Variants in RASGEF1C observed in about 807,000 individuals in gnomAD.
RASGEF1C encodes RasGEF domain family member 1C.
A neutral mutation model predicts 58.1 loss-of-function variants in RASGEF1C; 27 were observed. The observed-to-expected ratio is 0.46, with a 90% CI of 0.34 to 0.64. The LOEUF is 0.64. RASGEF1C is among the 30% of genes least tolerant of loss of function. The pLI is 0.01. For synonymous variants in RASGEF1C, 243 were observed against 246.3 expected (o/e 0.99, Z 0.13); for missense variants, 502 against 605.1 (o/e 0.83, Z 1.79).
intron 1 of RASGEF1C, among the ~76,000 whole-genome samples, chr5:180,152,955 T>C (rs1053484159): frequency 6.6e-6 from 1 of 150,998 alleles, no homozygotes; most frequent in Non-Finnish European, 1.5e-5. Context: ...GCCTCTGTAC[T>C]GGGATCAGCA....
intron 12 of RASGEF1C, among the ~76,000 whole-genome samples, chr5:180,103,465 T>C (rs1009854409): frequency 1.3e-5 from 2 of 152,230 alleles, no homozygotes; most frequent in African/African-American, 4.8e-5. Context: ...GTAAATGGTA[T>C]TATCATTTTA....
intron 1 of RASGEF1C, among the ~76,000 whole-genome samples, chr5:180,152,776 G>C (rs556971580): frequency 1.3e-5 from 2 of 151,798 alleles, no homozygotes; most frequent in Non-Finnish European, 2.9e-5. Context: ...GCTGGGCGTG[G>C]TGGCAGCGCC....
At chr5:180,134,808 C>T (rs1041779897) in intron 4 of RASGEF1C, among the ~76,000 whole-genome samples, 9 of 148,188 alleles carry the variant, frequency 6.1e-5, no homozygotes, top group Non-Finnish European at 1.2e-4. Context: ...TGTCAATTCA[C>T]GCATCTACCC....
In RASGEF1C at chr5:180,155,173, C is replaced by T. The variant is rs1766830361; in HGVS notation, c.-6-17115G>A. Among the ~76,000 whole-genome samples, 1 of 152,192 alleles carries T rather than the reference C, an allele frequency of 6.6e-6. No individual in the cohort carries two copies. Among genetic ancestry groups the T allele is most frequent in the Non-Finnish European group, 1.5e-5 (1 of 68,028 alleles). On this transcript the variant is annotated intron_variant, in intron 1 of 13. Transcript: ENST00000361132. This position sits in a 1 kb window ranked among gnomAD's most constrained non-coding sequence, Gnocchi z 5.2. Reference sequence around the variant, plus strand: ...AGAAACCTCAAGGGAGGAAAGCCCCCAACCCTGAGTATGGGTCTGGACTAT... The same window carrying T: ...AGAAACCTCAAGGGAGGAAAGCCCCTAACCCTGAGTATGGGTCTGGACTAT...
At chr5:180,121,790 G>A (rs532950222) in intron 6 of RASGEF1C, among the ~76,000 whole-genome samples, 8 of 152,236 alleles carry the variant, frequency 5.3e-5, no homozygotes, top group African/African-American at 1.2e-4. Flanking sequence ...ACACGTGTGC[G>A]GTGGCAAAAA....
rs146671817 is a variant in RASGEF1C, at chr5:180,159,264, C to T, written c.-6-21206G>A. Among the ~76,000 whole-genome samples, 599 of 152,036 alleles carry T rather than the reference C, an allele frequency of 3.9e-3. 7 individuals carry two copies. The highest frequency in any genetic ancestry group is 0.019 in the South Asian group (90 of 4,812). On this transcript the variant is annotated intron_variant, in intron 1 of 13. Transcript: ENST00000361132. Reference sequence around the variant, plus strand: ...AAGCGATTCTCCTGCCTCAGCCTCCCGAGTAGCTGGGAGTACAGGCGTGCA... The same window carrying T: ...AAGCGATTCTCCTGCCTCAGCCTCCTGAGTAGCTGGGAGTACAGGCGTGCA...
intron 1 of RASGEF1C, among the ~76,000 whole-genome samples, chr5:180,194,002 GTGTT>G (rs60364777): frequency 4.6e-4 from 69 of 148,850 alleles, no homozygotes; most frequent in African/African-American, 1.4e-3. Context: ...ATTCTGTATG[GTGTT>G]TGTTTGTTTG....
chr5:180,179,508 C>T (rs1276878856), intron 1 of RASGEF1C, among the ~76,000 whole-genome samples: 1 of 152,120 alleles, frequency 6.6e-6, no homozygotes, highest in Non-Finnish European at 1.5e-5. Flanking sequence ...CCAGCCTGCA[C>T]CAGCCTGCAC....
intron 1 of RASGEF1C, among the ~76,000 whole-genome samples, chr5:180,151,390 A>T (rs1183096051): frequency 2.0e-5 from 3 of 152,246 alleles, no homozygotes; most frequent in Non-Finnish European, 4.4e-5. Context: ...ATGGAACAGA[A>T]CAGAGCCCTC....
chr5:180,190,314 C>A (rs376571573), intron 1 of RASGEF1C, among the ~76,000 whole-genome samples: 1 of 151,726 alleles, frequency 6.6e-6, no homozygotes, highest in African/African-American at 2.4e-5. Context: ...GGTGAAACCC[C>A]GTCTCTACTA....
intron 1 of RASGEF1C, among the ~76,000 whole-genome samples, chr5:180,204,012 A>AACG (rs1756448171): frequency 6.6e-6 from 1 of 151,028 alleles, no homozygotes; most frequent in Non-Finnish European, 1.5e-5. Flanking sequence ...ACAAACAAAC[A>AACG]ACAACAACAA....
chr5:180,174,409 T>C (rs1561751273), intron 1 of RASGEF1C, among the ~76,000 whole-genome samples: 1 of 150,688 alleles, frequency 6.6e-6, no homozygotes, highest in Admixed American at 6.6e-5. Context: ...TGCGTCTGTG[T>C]GTGCGTGCGT....
At chr5:180,180,997 C>T (rs1269995931) in intron 1 of RASGEF1C, among the ~76,000 whole-genome samples, 2 of 152,250 alleles carry the variant, frequency 1.3e-5, no homozygotes, top group African/African-American at 4.8e-5. Context: ...ACGCAGGGCA[C>T]TATCAATCAC....
chr5:180,164,097 C>T (rs1227419419), intron 1 of RASGEF1C, among the ~76,000 whole-genome samples: 3 of 152,110 alleles, frequency 2.0e-5, no homozygotes, highest in Non-Finnish European at 2.9e-5. Flanking sequence ...CATTCTTGAC[C>T]TTTGTGTTTT....
intron 7 of RASGEF1C, among the ~76,000 whole-genome samples, chr5:180,120,542 AAGG>A (rs748102711): frequency 2.0e-5 from 3 of 152,078 alleles, no homozygotes; most frequent in Non-Finnish European, 4.4e-5. Context: ...CCTCTGCTGC[AAGG>A]AGGAGGACGG....
At chr5:180,106,013 C>T (rs1300699198) in intron 12 of RASGEF1C, among the ~76,000 whole-genome samples, 2 of 152,170 alleles carry the variant, frequency 1.3e-5, no homozygotes, top group Non-Finnish European at 2.9e-5. Context: ...AATCATGTCC[C>T]AGGAGGAACC....
intron 1 of RASGEF1C, among the ~76,000 whole-genome samples, chr5:180,166,515 C>CTT (rs543849836): frequency 1.5e-4 from 20 of 137,882 alleles, no homozygotes; most frequent in South Asian, 7.0e-4. Flanking sequence ...AAGAATTTTT[C>CTT]TTTTTTTTTT....
At chr5:180,144,971 T>C (rs1281744754) in intron 1 of RASGEF1C, among the ~76,000 whole-genome samples, 2 of 152,226 alleles carry the variant, frequency 1.3e-5, no homozygotes, top group African/African-American at 4.8e-5. Context: ...GTAACATGCG[T>C]CAGAATTTCC....
rs567567253 is a variant in RASGEF1C at position 180,200,855 on chromosome 5, C to T, written c.-7+8173G>A. 8.5e-5 allele frequency among the ~76,000 whole-genome samples: 13 copies of T among 152,154 alleles called. No homozygotes were observed. In the South Asian group the frequency reaches 1.2e-3, roughly 15 times the overall value. ...CCTTCAGAACCGGCTCCAGGGCCCACGCTGGCATTGGTGGGGTGAGGGCTC... is the reference window on the plus strand; with the variant it reads ...CCTTCAGAACCGGCTCCAGGGCCCATGCTGGCATTGGTGGGGTGAGGGCTC... On this transcript the variant is annotated intron_variant, in intron 1 of 13. Coordinates refer to ENST00000361132, the MANE Select transcript of RASGEF1C (RefSeq NM_175062.4).
Sources: allele counts gnomAD v4.1 joint callset (sites outside exome capture counted in the v4.1 genomes callset), GRCh38; gene constraint gnomAD v4.1.1; non-coding constraint Gnocchi (gnomAD v3.1); transcripts MANE v1.5; gene names NCBI Gene and HGNC (gene_info 2026-07-23, HGNC 2026-07-21).